OTUD7A: variants seen among roughly 807,000 people sequenced by gnomAD.
OTUD7A encodes OTU domain-containing protein 7A.
A neutral mutation model predicts 65.7 loss-of-function variants in OTUD7A; 12 were observed. That is an observed-to-expected ratio of 0.18 (90% CI 0.12 to 0.30). OTUD7A has a LOEUF of 0.30. OTUD7A is among the 10% of genes least tolerant of loss of function. The pLI, the probability that OTUD7A is intolerant of heterozygous loss-of-function variation, is 1.00. For missense variants in OTUD7A, 1,148 were observed against 1,304.8 expected (o/e 0.88, Z 1.85); for synonymous variants, 641 against 586.3 (o/e 1.09, Z -1.35).
Position 31,661,768 on chromosome 15 carries a change from G to A in OTUD7A, c.-99-4691C>T, listed in dbSNP as rs1186831818. Reference sequence around the variant, plus strand: ...AATATCCAGTGTGCAAATTTCCAATGATATCAAATGTTGTAAGTTCACATA... The same window carrying A: ...AATATCCAGTGTGCAAATTTCCAATAATATCAAATGTTGTAAGTTCACATA... On this transcript the variant is annotated intron_variant, in intron 1 of 12. Transcript: ENST00000307050. Among the ~76,000 whole-genome samples, 4 of 152,174 alleles carry A rather than the reference G, an allele frequency of 2.6e-5. No homozygotes were observed. The East Asian group carries it at 7.7e-4, about 29-fold the overall frequency.
chr15:31,771,838 A>G (rs556511507), intron 1 of OTUD7A, among the ~76,000 whole-genome samples: 2 of 152,238 alleles, frequency 1.3e-5, no homozygotes, highest in East Asian at 1.9e-4. Flanking sequence ...AGAGCCTGCC[A>G]AACTCCTTCC....
chr15:31,642,885 T>A (rs1216761942), intron 3 of OTUD7A, among the ~76,000 whole-genome samples: 2 of 152,148 alleles, frequency 1.3e-5, no homozygotes, highest in Non-Finnish European at 2.9e-5. Flanking sequence ...TTCACTGTTT[T>A]TTGTTCTGGT....
chr15:31,679,728 T>C (rs1386921345), intron 1 of OTUD7A, among the ~76,000 whole-genome samples: 1 of 152,198 alleles, frequency 6.6e-6, no homozygotes, highest in Non-Finnish European at 1.5e-5. Context: ...TAAACCTCTT[T>C]CCTTTATAAA....
intron 3 of OTUD7A, among the ~76,000 whole-genome samples, chr15:31,583,808 T>C (rs1026828410): frequency 3.9e-5 from 6 of 152,106 alleles, no homozygotes; most frequent in African/African-American, 1.4e-4. Context: ...GAGGTGTCCA[T>C]GACCTCCAGG....
chr15:31,838,180 A>G (rs2140990699), intron 1 of OTUD7A, among the ~76,000 whole-genome samples: 1 of 152,374 alleles, frequency 6.6e-6, no homozygotes, highest in South Asian at 2.1e-4. Context: ...AAGAAATTGT[A>G]GGAGAATATG....
intron 1 of OTUD7A, among the ~76,000 whole-genome samples, chr15:31,789,251 G>A (rs1199634051): frequency 6.6e-6 from 1 of 152,110 alleles, no homozygotes; most frequent in East Asian, 1.9e-4. Context: ...AAACTGCTGG[G>A]CCTGTCACAT....
chr15:31,757,587 G>T (rs1263929226), intron 1 of OTUD7A, among the ~76,000 whole-genome samples: 1 of 151,958 alleles, frequency 6.6e-6, no homozygotes, highest in Admixed American at 6.6e-5. Context: ...CCAGCCAGCC[G>T]CAACGTATTC....
chr15:31,746,901 T>C (rs1035304778), intron 1 of OTUD7A, among the ~76,000 whole-genome samples: 2 of 152,228 alleles, frequency 1.3e-5, no homozygotes, highest in South Asian at 2.1e-4. Flanking sequence ...TGAAGCTTTC[T>C]GGGGTGAGAG....
In OTUD7A at chr15:31,476,452, C is replaced by T. The variant is rs1176183464; in HGVS notation, c.*6842G>A. ...CAGCCCATAGGGCCTGGGAGACCTT[C>T]ACGGACACCTGCCATGGAGAAAGTT... On this transcript the variant is annotated 3_prime_UTR_variant, in exon 13 of 13. Transcript: ENST00000307050. The T allele has an allele frequency of 6.6e-6, 1 of 152,330 alleles. No homozygotes were observed. Among genetic ancestry groups the T allele is most frequent in the Non-Finnish European group, 1.5e-5 (1 of 68,140 alleles). The allele number at this position is 152,330 out of a possible 1,614,324, so 9.4% of individuals were successfully genotyped here.
intron 5 of OTUD7A, among the ~76,000 whole-genome samples, chr15:31,534,240 A>T (rs1887723433): frequency 6.6e-6 from 1 of 152,238 alleles, no homozygotes; most frequent in Non-Finnish European, 1.5e-5. Flanking sequence ...CAAGGGATGC[A>T]AGGATGGCTC....
intron 1 of OTUD7A, among the ~76,000 whole-genome samples, chr15:31,827,380 A>G (rs1896822542): frequency 6.6e-6 from 1 of 152,232 alleles, no homozygotes; most frequent in Non-Finnish European, 1.5e-5. Context: ...AGACGTATTC[A>G]CTACCATGTG....
At chr15:31,501,502 T>C (rs1012283875) in intron 10 of OTUD7A, among the ~76,000 whole-genome samples, 188 bp downstream of exon 10, 3 of 152,232 alleles carry the variant, frequency 2.0e-5, no homozygotes, top group Admixed American at 1.3e-4. Context: ...TTAACATTGT[T>C]ATTTTCAATG....
At chr15:31,783,364 T>A (rs576603774) in intron 1 of OTUD7A, among the ~76,000 whole-genome samples, 8 of 152,244 alleles carry the variant, frequency 5.3e-5, no homozygotes, top group African/African-American at 1.9e-4. Context: ...ACTATTTTCA[T>A]GATCATTCAA....
intron 1 of OTUD7A, among the ~76,000 whole-genome samples, chr15:31,729,208 T>C (rs1322038070): frequency 6.6e-6 from 1 of 152,236 alleles, no homozygotes; most frequent in Non-Finnish European, 1.5e-5. Flanking sequence ...GTTTCAGGTA[T>C]CCACTGGGGT....
chr15:31,567,353 A>C (rs1168184359), intron 4 of OTUD7A, among the ~76,000 whole-genome samples: 1 of 152,240 alleles, frequency 6.6e-6, no homozygotes, highest in Admixed American at 6.5e-5. Context: ...GTGGTAGAAG[A>C]AATTTATAAG....
At chr15:31,489,169 A>G (rs1333355677) in intron 10 of OTUD7A, among the ~76,000 whole-genome samples, 2 of 152,176 alleles carry the variant, frequency 1.3e-5, no homozygotes, top group South Asian at 4.1e-4. Context: ...CTCATGGGGC[A>G]GGGGGTGGCA....
intron 3 of OTUD7A, among the ~76,000 whole-genome samples, chr15:31,583,027 A>G (rs967606234): frequency 6.6e-6 from 1 of 151,074 alleles, no homozygotes; most frequent in African/African-American, 2.5e-5. Flanking sequence ...TTGTTGAGTG[A>G]GAAAAGCAGT....
intron 1 of OTUD7A, among the ~76,000 whole-genome samples, chr15:31,718,279 G>C (rs6493897): frequency 6.6e-6 from 1 of 151,968 alleles, no homozygotes; most frequent in Non-Finnish European, 1.5e-5. Context: ...AAATTTCTCC[G>C]CCATTGGTTT....
Position 31,487,650 on chromosome 15 carries a change from G to C in OTUD7A, c.1172-84C>G. 9.3e-7 allele frequency: 1 copy of C among 1,070,924 alleles called. No individual in the cohort carries two copies. The highest frequency in any genetic ancestry group is 2.3e-5 in the Admixed American group (1 of 43,066). The allele number at this position is 1,070,924 out of a possible 1,614,324, so 66.3% of individuals were successfully genotyped here. On this transcript the variant is annotated intron_variant, in intron 10 of 12. Transcript: ENST00000307050. This position sits in a 1 kb window ranked among gnomAD's most constrained non-coding sequence, Gnocchi z 6.0. ...AAGGAAATTCCCAAGCCAGGTATCT[G>C]GGTGACAAATGCACCGAGTGGACAT...
Sources: gnomAD v4.1 joint callset for allele counts (sites outside exome capture counted in the v4.1 genomes callset) on GRCh38, gnomAD v4.1.1 for gene constraint, Gnocchi (gnomAD v3.1) non-coding constraint, MANE v1.5 for transcripts, NCBI Gene and HGNC (gene_info 2026-07-23, HGNC 2026-07-21) for gene names.